The following JCAD variants were observed in gnomAD, a reference collection of about 807,000 sequenced individuals.
JCAD encodes junctional cadherin 5 associated, also known as junctional cadherin 5-associated protein.
Under a neutral mutation model 98.0 loss-of-function variants are expected in JCAD, and 40 were observed. The observed-to-expected ratio is 0.41, with a 90% CI of 0.32 to 0.53. The LOEUF (loss-of-function observed/expected upper bound fraction) is 0.53, where lower values mean the gene tolerates loss of function less well. Among genes scored for constraint, JCAD ranks in the 20% least tolerant of loss-of-function variants. The pLI is 0.31. For synonymous variants in JCAD, 691 were observed against 682.3 expected (o/e 1.01, Z -0.20); for missense variants, 1,705 against 1,738.1 (o/e 0.98, Z 0.34).
intron 1 of JCAD, among the ~76,000 whole-genome samples, chr10:30,096,333 G>A (rs752963016): frequency 1.7e-4 from 26 of 152,298 alleles, no homozygotes; most frequent in Middle Eastern, 3.4e-3. Context: ...CAGTTTCCTC[G>A]TCTGTAAGAT....
intron 2 of JCAD, among the ~76,000 whole-genome samples, chr10:30,040,797 G>A (rs769459476): frequency 1.3e-4 from 20 of 152,130 alleles, no homozygotes; most frequent in Non-Finnish European, 2.8e-4. Context: ...GAACGCAGAG[G>A]CACAGCCATC....
chr10:30,061,891 C>T (rs903453364), upstream of JCAD, among the ~76,000 whole-genome samples: 2 of 152,178 alleles, frequency 1.3e-5, no homozygotes, highest in African/African-American at 4.8e-5. Flanking sequence ...TGGGGTGGAG[C>T]ACCTCTATGT....
chr10:30,060,793 T>A (rs1275439135), upstream of JCAD, among the ~76,000 whole-genome samples: 1 of 152,184 alleles, frequency 6.6e-6, no homozygotes, highest in Non-Finnish European at 1.5e-5. Flanking sequence ...AGGAGTGGGC[T>A]CAGGGACGGG....
intron 2 of JCAD, among the ~76,000 whole-genome samples, chr10:30,034,282 C>A (rs1428855301): frequency 2.6e-5 from 4 of 151,502 alleles, no homozygotes; most frequent in African/African-American, 9.7e-5. Flanking sequence ...CTACTTCTAC[C>A]CCCTGTTAAC....
chr10:30,095,659 G>T (rs1397183016), intron 1 of JCAD, among the ~76,000 whole-genome samples: 1 of 152,224 alleles, frequency 6.6e-6, no homozygotes, highest in Non-Finnish European at 1.5e-5. Context: ...GGAACTCCCA[G>T]TCCTGATCAC....
Position 30,027,987 on chromosome 10 carries a change from T to C in JCAD, c.2161A>G (p.Lys721Glu), listed in dbSNP as rs61733997. ...TCGGAGGCAGCAGGGTCTGAACATTTTGGACTCAATGCTGCACGACTCGGC... is the reference window on the plus strand; with the variant it reads ...TCGGAGGCAGCAGGGTCTGAACATTCTGGACTCAATGCTGCACGACTCGGC... Reference protein sequence around the residue: ...GGPSRAALSPKCSDPAASEAQ... With the variant: ...GGPSRAALSPECSDPAASEAQ... The change falls in exon 3 of 4, where the codon AAA becomes GAA. Residue 721 changes from lysine (K) to glutamate (E), a missense_variant. Coordinates refer to ENST00000375377, the MANE Select transcript of JCAD (RefSeq NM_020848.4). The C allele has an allele frequency of 7.4e-6, 12 of 1,614,112 alleles. No homozygotes were observed. The African/African-American group carries it at 1.3e-4, about 18-fold the overall frequency.
At chr10:30,033,013 T>A (rs1475345939) in intron 2 of JCAD, among the ~76,000 whole-genome samples, 1 of 152,204 alleles carries the variant, frequency 6.6e-6, no homozygotes, top group Non-Finnish European at 1.5e-5. Context: ...GTACCATGCA[T>A]GGTGCTAAGC....
chr10:30,075,155 T>C (rs932730506), intron 1 of JCAD, among the ~76,000 whole-genome samples: 3 of 152,214 alleles, frequency 2.0e-5, no homozygotes, highest in Non-Finnish European at 4.4e-5. Context: ...GAAATATACA[T>C]AGAATTCTAG....
At chr10:30,065,543 T>G (rs115078162) in intron 2 of JCAD, among the ~76,000 whole-genome samples, 1 of 152,088 alleles carries the variant, frequency 6.6e-6, no homozygotes, top group African/African-American at 2.4e-5. Context: ...ACTCTGTCAT[T>G]GAGGCTGGAG....
chr10:30,064,659 C>A (rs1837753383), intron 2 of JCAD, among the ~76,000 whole-genome samples: 1 of 151,720 alleles, frequency 6.6e-6, no homozygotes, highest in Admixed American at 6.6e-5. Flanking sequence ...ACCAAAAAAA[C>A]CCCACGTTCT....
At chr10:30,054,281 C>T (rs892054653) in intron 1 of JCAD, among the ~76,000 whole-genome samples, 1 of 152,136 alleles carries the variant, frequency 6.6e-6, no homozygotes, top group Non-Finnish European at 1.5e-5. Flanking sequence ...ACCAAAATGT[C>T]AGCAGAGGTG....
In JCAD at chr10:30,013,484, GC is replaced by G. The variant is rs1034293499; in HGVS notation, c.*4398del. Reference sequence around the variant, plus strand: ...TGATTTTTATAATCTGGAAATGACTGCTTTTCCCCTTGCTGGGACATATGGT... The same window carrying G: ...TGATTTTTATAATCTGGAAATGACTGTTTTCCCCTTGCTGGGACATATGGT... On this transcript the variant is annotated 3_prime_UTR_variant, in exon 4 of 4. Transcript: ENST00000375377. The G allele has an allele frequency of 1.3e-5, 2 of 152,202 alleles. No individual in the cohort carries two copies. The highest frequency in any genetic ancestry group is 4.8e-5 in the African/African-American group (2 of 41,454). 9.4% of individuals were successfully genotyped at this position (152,202 alleles called of 1,614,324 possible). A position where few individuals can be genotyped will look rare whatever the true frequency, so the allele number is the denominator to read the frequency against.
At chr10:30,036,782 G>A (rs773693423) in intron 2 of JCAD, among the ~76,000 whole-genome samples, 3 of 152,236 alleles carry the variant, frequency 2.0e-5, no homozygotes, top group Admixed American at 6.5e-5. Flanking sequence ...GCCATGCTTC[G>A]CTGTGGTCAT....
intron 3 of JCAD, among the ~76,000 whole-genome samples, chr10:30,020,425 A>T (rs1836640474): frequency 1.3e-5 from 2 of 152,072 alleles, no homozygotes; most frequent in Non-Finnish European, 2.9e-5. Flanking sequence ...AGACATTCCA[A>T]TTTTTCCAGC....
chr10:30,085,121 T>A (rs563638953), intron 1 of JCAD, among the ~76,000 whole-genome samples: 44 of 152,340 alleles, frequency 2.9e-4, no homozygotes, highest in African/African-American at 9.9e-4. Flanking sequence ...CTTGTTTTAA[T>A]CTTTTGGTTT....
chr10:30,050,104 C>G (rs1012987592), intron 1 of JCAD, among the ~76,000 whole-genome samples: 1 of 151,764 alleles, frequency 6.6e-6, no homozygotes, highest in Non-Finnish European at 1.5e-5. Flanking sequence ...CACTTGGGGC[C>G]AGGAGTTTGA....
At chr10:30,032,024 G>A (rs1007638757) in intron 2 of JCAD, among the ~76,000 whole-genome samples, 2 of 152,162 alleles carry the variant, frequency 1.3e-5, no homozygotes, top group African/African-American at 4.8e-5. Context: ...AAAGTGCTGG[G>A]ATTACAGGCG....
chr10:30,074,625 G>C (rs1837950584), intron 1 of JCAD, among the ~76,000 whole-genome samples: 1 of 152,152 alleles, frequency 6.6e-6, no homozygotes, highest in Non-Finnish European at 1.5e-5. Flanking sequence ...GATGAAAGGA[G>C]AATTCAAAAA....
At chr10:30,098,542 G>A (rs971876906) in intron 1 of JCAD, among the ~76,000 whole-genome samples, 1 of 152,196 alleles carries the variant, frequency 6.6e-6, no homozygotes, top group Non-Finnish European at 1.5e-5. Flanking sequence ...AGAAAGCTGG[G>A]ATGGTGTTTG....
Sources: gnomAD v4.1 joint callset for allele counts (sites outside exome capture counted in the v4.1 genomes callset) on GRCh38, gnomAD v4.1.1 for gene constraint, MANE v1.5 for transcripts, NCBI Gene and HGNC (gene_info 2026-07-23, HGNC 2026-07-21) for gene names.